Variants in ESRRG observed in about 807,000 individuals in gnomAD.
The protein encoded by ESRRG is estrogen related receptor gamma, also known as estrogen-related receptor gamma.
In ESRRG, 13 loss-of-function variants were observed where a neutral mutation model predicts 44.0. The ratio of observed to expected loss-of-function variants is 0.30; its 90% confidence interval spans 0.19 to 0.47. The LOEUF is 0.47. ESRRG is among the 20% of genes least tolerant of loss of function. ESRRG has a pLI of 1.00. For synonymous variants in ESRRG, 215 were observed against 214.6 expected, an observed-to-expected ratio of 1.00 and a Z score of -0.02; for missense variants, 395 against 580.6, an observed-to-expected ratio of 0.68 and a Z score of 3.29.
chr1:216,593,514 T>C lies in ESRRG; in HGVS notation c.590-25416A>G, dbSNP rs1345395196. Reference sequence around the variant, plus strand: ...GCTAACCACGGTTTAGAAGATTAGATTCTGATAACAGCCAATTGTAAATAA... The same window carrying C: ...GCTAACCACGGTTTAGAAGATTAGACTCTGATAACAGCCAATTGTAAATAA... On this transcript the variant is annotated intron_variant, in intron 3 of 6. Coordinates refer to ENST00000408911, the MANE Select transcript of ESRRG (RefSeq NM_001438.4). 2.6e-5 allele frequency among the ~76,000 whole-genome samples: 4 copies of C among 152,360 alleles called. No homozygotes were observed. In the East Asian group the frequency reaches 7.7e-4, roughly 29 times the overall value.
chr1:216,574,547 T>G (rs999232850), intron 3 of ESRRG, among the ~76,000 whole-genome samples: 1 of 152,134 alleles, frequency 6.6e-6, no homozygotes, highest in East Asian at 1.9e-4. Context: ...TAATAAAAAA[T>G]CTTCCCTTCA....
chr1:216,896,538 A>G (rs2058441535), intron 2 of ESRRG, among the ~76,000 whole-genome samples: 1 of 152,192 alleles, frequency 6.6e-6, no homozygotes, highest in South Asian at 2.1e-4. Flanking sequence ...GTTAGAAATG[A>G]TAGTTAAAAA....
intron 2 of ESRRG, among the ~76,000 whole-genome samples, chr1:216,889,669 T>C (rs2057503559): frequency 2.0e-5 from 3 of 152,154 alleles, no homozygotes; most frequent in African/African-American, 2.4e-5. Flanking sequence ...CAAAAGCAGG[T>C]ATTTATAGTT....
intron 1 of ESRRG, among the ~76,000 whole-genome samples, chr1:216,715,692 T>C (rs1486818987): frequency 6.6e-6 from 1 of 152,108 alleles, no homozygotes; most frequent in African/African-American, 2.4e-5. Flanking sequence ...ATATGACTAA[T>C]ATGCATTTAC....
At chr1:216,817,109 T>C (rs2095163893) in intron 2 of ESRRG, among the ~76,000 whole-genome samples, 1 of 151,352 alleles carries the variant, frequency 6.6e-6, no homozygotes, top group Non-Finnish European at 1.5e-5. Flanking sequence ...CAGACTTTCT[T>C]AAAAGGCGAA....
chr1:216,895,818 T>G (rs1236154509), intron 2 of ESRRG, among the ~76,000 whole-genome samples: 1 of 152,180 alleles, frequency 6.6e-6, no homozygotes, highest in Non-Finnish European at 1.5e-5. Flanking sequence ...CCCTTTTTCT[T>G]TTTAATAACT....
chr1:217,003,032 CA>C (rs1301226686), intron 1 of ESRRG, among the ~76,000 whole-genome samples: 2 of 152,142 alleles, frequency 1.3e-5, no homozygotes, highest in Non-Finnish European at 2.9e-5. Context: ...ATAATCTGTA[CA>C]GTGATCATCA....
chr1:216,536,250 G>A (rs61816992), intron 5 of ESRRG, among the ~76,000 whole-genome samples: 23,059 of 151,940 alleles, frequency 0.15, 3,394 homozygotes, highest in African/African-American at 0.38. Context: ...CAAAGAGCAA[G>A]CCTTTATATT....
At chr1:216,682,466 G>T (rs900442493) in intron 1 of ESRRG, among the ~76,000 whole-genome samples, 1 of 151,964 alleles carries the variant, frequency 6.6e-6, no homozygotes, top group African/African-American at 2.4e-5. Context: ...ACAATGCAGC[G>T]AATCTCCAAG....
At chr1:216,650,905 G>A in intron 3 of ESRRG, 68 bp downstream of exon 3, 1 of 903,380 alleles carries the variant, frequency 1.1e-6, no homozygotes, top group Middle Eastern at 2.1e-4. Context: ...TCTAAAACTG[G>A]TGGAATTTTT....
At chr1:216,650,176 T>G (rs1033332507) in intron 3 of ESRRG, among the ~76,000 whole-genome samples, 3 of 152,176 alleles carry the variant, frequency 2.0e-5, no homozygotes, top group Admixed American at 6.6e-5. Context: ...AAATGCAGCA[T>G]GTAAAATTCA....
intron 1 of ESRRG, among the ~76,000 whole-genome samples, chr1:217,055,164 CT>C (rs889953017): frequency 6.6e-5 from 10 of 152,210 alleles, no homozygotes; most frequent in African/African-American, 2.4e-4. Flanking sequence ...ACCAATAGCC[CT>C]TTTTTTCATG....
intron 2 of ESRRG, among the ~76,000 whole-genome samples, chr1:216,795,285 A>T (rs983231477): frequency 4.5e-4 from 69 of 151,728 alleles, no homozygotes; most frequent in African/African-American, 1.6e-3. Flanking sequence ...AAACAAATAG[A>T]TGAAAAATAC....
upstream of ESRRG, among the ~76,000 whole-genome samples, chr1:216,724,126 G>A (rs543846836): frequency 6.6e-6 from 1 of 152,286 alleles, no homozygotes; most frequent in East Asian, 1.9e-4. Context: ...AACTACAGAA[G>A]AGGAGATAGT....
intron 2 of ESRRG, among the ~76,000 whole-genome samples, chr1:216,753,763 T>C (rs1332401857): frequency 6.6e-6 from 1 of 152,046 alleles, no homozygotes; most frequent in African/African-American, 2.4e-5. Flanking sequence ...CCTTTGGAAG[T>C]ATTAAGGATT....
chr1:216,920,640 C>T (rs554293158), intron 2 of ESRRG, among the ~76,000 whole-genome samples: 7 of 152,190 alleles, frequency 4.6e-5, no homozygotes, highest in Admixed American at 2.0e-4. Flanking sequence ...AATACATTCC[C>T]GAGACAAATG....
At chr1:217,132,490 G>A (rs2092979506) in intron 1 of ESRRG, among the ~76,000 whole-genome samples, 1 of 152,206 alleles carries the variant, frequency 6.6e-6, no homozygotes, top group African/African-American at 2.4e-5. Context: ...CTTGGTCTGG[G>A]ATGGTTCAAG....
chr1:216,998,775 A>T (rs2076674246), intron 1 of ESRRG, among the ~76,000 whole-genome samples: 2 of 152,234 alleles, frequency 1.3e-5, no homozygotes, highest in Admixed American at 6.5e-5. Context: ...AAGTAAGAAG[A>T]ATATAAATGG....
intron 6 of ESRRG, among the ~76,000 whole-genome samples, chr1:216,514,149 C>T (rs2043502872): frequency 6.6e-6 from 1 of 151,984 alleles, no homozygotes; most frequent in African/African-American, 2.4e-5. Flanking sequence ...ATTTAAGAGC[C>T]AGCTTTTATG....
Sources: allele counts gnomAD v4.1 joint callset (sites outside exome capture counted in the v4.1 genomes callset), GRCh38; gene constraint gnomAD v4.1.1; transcripts MANE v1.5; gene names NCBI Gene and HGNC (gene_info 2026-07-23, HGNC 2026-07-21).